The following FAM120B variants were observed in gnomAD, a reference collection of about 807,000 sequenced individuals.
The protein encoded by FAM120B is family with sequence similarity 120 member B, also known as constitutive coactivator of peroxisome proliferator-activated receptor gamma.
Under a neutral mutation model 96.3 loss-of-function variants are expected in FAM120B, and 83 were observed. That is an observed-to-expected ratio of 0.86 (90% CI 0.72 to 1.03). The LOEUF is 1.03. Among genes scored for constraint, FAM120B ranks in the 50% least tolerant of loss-of-function variants. The probability of loss-of-function intolerance (pLI) is 0.00; values close to 1 mark genes in which losing one functional copy is unlikely to be tolerated. For missense variants in FAM120B, 1,027 were observed against 1,121.2 expected (o/e 0.92, Z 1.20); for synonymous variants, 407 against 402.7 (o/e 1.01, Z -0.13).
chr6:170,344,548 C>A (rs897909873), intron 4 of FAM120B, among the ~76,000 whole-genome samples: 1 of 151,712 alleles, frequency 6.6e-6, no homozygotes, highest in African/African-American at 2.4e-5. Context: ...CATTCACCTG[C>A]ACCGTTGCCT....
chr6:170,355,276 C>T (rs1029079129), intron 5 of FAM120B, among the ~76,000 whole-genome samples: 147 of 152,158 alleles, frequency 9.7e-4, no homozygotes, highest in Non-Finnish European at 1.7e-3. Context: ...AGTATGTTCA[C>T]TGCAGCACTA....
intron 1 of FAM120B, among the ~76,000 whole-genome samples, chr6:170,309,984 C>T (rs1447617162): frequency 6.6e-6 from 1 of 152,130 alleles, no homozygotes; most frequent in Non-Finnish European, 1.5e-5. Flanking sequence ...CAGCTATTTC[C>T]TTTGGGGGTT....
chr6:170,318,371 A>G lies in FAM120B; in HGVS notation c.981A>G (p.Gln327=). 1.2e-6 allele frequency: 2 copies of G among 1,614,260 alleles called. No individual in the cohort carries two copies. Among genetic ancestry groups the G allele is most frequent in the African/African-American group, 1.3e-5 (1 of 75,066 alleles). The stretch of plus-strand genomic sequence containing the variant: ...AAGGTGTAATAACTTTGGACAAACA[A>G]GTAATATCCACGAGTTCAGACGCCG... The part of the protein sequence containing the change: ...KPKGVITLDK[Q]VISTSSDAES... Residue 327 remains glutamine, a synonymous_variant, in exon 2 of 11, where the codon CAA becomes CAG. Coordinates refer to ENST00000476287, the MANE Select transcript of FAM120B (RefSeq NM_032448.3).
intron 1 of FAM120B, among the ~76,000 whole-genome samples, chr6:170,311,107 T>C (rs1164960888): frequency 6.6e-6 from 1 of 152,242 alleles, no homozygotes; most frequent in African/African-American, 2.4e-5. Context: ...GAGTGGATGC[T>C]GAACAGCCAT....
At chr6:170,299,490 T>A (rs1259740475) in intron 1 of FAM120B, among the ~76,000 whole-genome samples, 1 of 152,268 alleles carries the variant, frequency 6.6e-6, no homozygotes, top group Non-Finnish European at 1.5e-5. Flanking sequence ...TTTGTGTCAT[T>A]GATTTTTCCC....
chr6:170,295,448 A>C lies in FAM120B; in HGVS notation c.43A>C (p.Lys15Gln), dbSNP rs1440844484. 4.3e-6 allele frequency: 3 copies of C among 701,444 alleles called. No homozygotes were observed. Among genetic ancestry groups the C allele is most frequent in the Non-Finnish European group, 7.8e-6 (3 of 384,506 alleles). 43.5% of individuals were successfully genotyped at this position (701,444 alleles called of 1,614,324 possible). Reference sequence around the variant, plus strand: ...CTCCACCAGCGCTGGCGCAGGCAGGAAGGAGGTGAGCGCCGCCCGCGTGCA... The same window carrying C: ...CTCCACCAGCGCTGGCGCAGGCAGGCAGGAGGTGAGCGCCGCCCGCGTGCA... Residue 15 changes from lysine to glutamine, a missense_variant, in exon 1 of 11, where the codon AAG (lysine) becomes CAG (glutamine). Transcript: ENST00000537664. This position sits in a 1 kb window ranked among gnomAD's most constrained non-coding sequence, Gnocchi z 7.8.
At chr6:170,341,963 T>C (rs896458516) in intron 4 of FAM120B, among the ~76,000 whole-genome samples, 2 of 152,208 alleles carry the variant, frequency 1.3e-5, no homozygotes, top group African/African-American at 4.8e-5. Flanking sequence ...AGTTCATGGA[T>C]TGATTACGAT....
chr6:170,368,945 A>AC (rs1788995056), intron 6 of FAM120B, among the ~76,000 whole-genome samples: 2 of 60,316 alleles, frequency 3.3e-5, no homozygotes, highest in Middle Eastern at 9.4e-3. Context: ...CCACCCCCCC[A>AC]CCATGAGCCA....
intron 6 of FAM120B, among the ~76,000 whole-genome samples, chr6:170,367,425 A>G (rs1215535098): frequency 2.0e-5 from 3 of 152,270 alleles, no homozygotes; most frequent in Non-Finnish European, 2.9e-5. Flanking sequence ...TTCTTGGCAC[A>G]TAGCCATGCT....
At chr6:170,404,106 G>A (rs1029155202) in intron 9 of FAM120B, 7 of 159,674 alleles carry the variant, frequency 4.4e-5, no homozygotes, top group Non-Finnish European at 8.2e-5. Flanking sequence ...GTTCTGCCCC[G>A]AGTCTCTTCC....
At chr6:170,402,619 C>T (rs982493340) in intron 9 of FAM120B, among the ~76,000 whole-genome samples, 2 of 152,204 alleles carry the variant, frequency 1.3e-5, no homozygotes, top group Non-Finnish European at 2.9e-5. Context: ...CTCTCCCGGG[C>T]TCTGCGGAGC....
chr6:170,347,251 C>A (rs2115135826), intron 4 of FAM120B, among the ~76,000 whole-genome samples: 1 of 152,284 alleles, frequency 6.6e-6, no homozygotes, highest in East Asian at 1.9e-4. Flanking sequence ...GAGCTTTTGG[C>A]ATGTATTTTA....
chr6:170,301,857 A>C (rs1329689159), upstream of FAM120B, among the ~76,000 whole-genome samples: 1 of 152,192 alleles, frequency 6.6e-6, no homozygotes, highest in African/African-American at 2.4e-5. Flanking sequence ...CCATTCAACA[A>C]GTCTCTAAGA....
At chr6:170,364,549 T>G (rs1788656027) in intron 6 of FAM120B, among the ~76,000 whole-genome samples, 1 of 152,252 alleles carries the variant, frequency 6.6e-6, no homozygotes, top group Non-Finnish European at 1.5e-5. Context: ...TTTAAAAGTA[T>G]ACATGAGCAT....
chr6:170,302,675 C>G (rs192696082), upstream of FAM120B, among the ~76,000 whole-genome samples: 2 of 152,318 alleles, frequency 1.3e-5, no homozygotes, highest in Admixed American at 1.3e-4. Context: ...ATTCGCTCTA[C>G]AGTTTCTTTT....
rs1417461667 is a variant in FAM120B at position 170,318,054 on chromosome 6, C to T, written c.664C>T (p.Leu222Phe). 2 of 1,614,138 alleles carry T rather than the reference C, an allele frequency of 1.2e-6. No homozygotes were observed. The highest frequency in any genetic ancestry group is 3.3e-5 in the Admixed American group (2 of 60,020). ...GAGTCTGGGCCTCTGTGTGGCCGAC[C>T]TTCCTCTTCTGGCCTGCCTCCTTGG... The part of the protein sequence containing the change: ...CESLGLCVAD[L>F]PLLACLLGND... Residue 222 changes from leucine (L) to phenylalanine (F), a missense_variant, in exon 2 of 11, where the codon CTT (leucine) becomes TTT (phenylalanine). Transcript: ENST00000476287.
At chr6:170,365,862 C>A (rs1788757581) in intron 6 of FAM120B, among the ~76,000 whole-genome samples, 1 of 152,108 alleles carries the variant, frequency 6.6e-6, no homozygotes, top group South Asian at 2.1e-4. Context: ...CAAAGCCTGG[C>A]CAGTTGGTGC....
chr6:170,318,525 A>C lies in FAM120B; in HGVS notation c.1135A>C (p.Met379Leu). The change falls in exon 2 of 11, where the codon ATG (methionine) becomes CTG (leucine). Residue 379 changes from methionine to leucine, a missense_variant. Around this residue, in one of 3 missense-constraint regions of FAM120B, gnomAD observed 880 missense variants for 980.9 expected, o/e 0.90. Transcript: ENST00000476287. ...TTCTGAACCCAGGCAAGAAGTTCCC[A>C]TGTGTTCAGACCCTGAACCCAGGCA... ...TDSEPRQEVP[M>L]CSDPEPRQEV... The C allele has an allele frequency of 1.3e-6, 2 of 1,579,984 alleles. No individual in the cohort carries two copies. The highest frequency in any genetic ancestry group is 1.7e-6 in the Non-Finnish European group (2 of 1,160,562).
intron 1 of FAM120B, among the ~76,000 whole-genome samples, chr6:170,316,058 CAAAAA>C (rs35344814): frequency 9.6e-4 from 88 of 91,818 alleles, no homozygotes; most frequent in East Asian, 2.8e-3. Context: ...GACCCGGTCT[CAAAAA>C]AAAAAAAAAA....
Sources: gnomAD v4.1 joint callset for allele counts (sites outside exome capture counted in the v4.1 genomes callset) on GRCh38, gnomAD v4.1.1 for gene constraint, gnomAD v4.1.1 regional missense constraint, Gnocchi (gnomAD v3.1) non-coding constraint, MANE v1.5 for transcripts, NCBI Gene and HGNC (gene_info 2026-07-23, HGNC 2026-07-21) for gene names.